PLEKHG1: variants seen among roughly 807,000 people sequenced by gnomAD.
The protein encoded by PLEKHG1 is pleckstrin homology and RhoGEF domain containing G1.
Under a neutral mutation model 100.8 loss-of-function variants are expected in PLEKHG1, and 44 were observed. The ratio of observed to expected loss-of-function variants is 0.44; its 90% CI spans 0.34 to 0.56. The LOEUF (loss-of-function observed/expected upper bound fraction) is 0.56. PLEKHG1 is among the 20% of genes least tolerant of loss of function. The probability of loss-of-function intolerance (pLI) is 0.01; values close to 1 mark genes in which losing one functional copy is unlikely to be tolerated. For missense variants in PLEKHG1, 1,545 were observed against 1,720.9 expected (o/e 0.90, Z 1.81); for synonymous variants, 640 against 662.5 (o/e 0.97, Z 0.52).
intron 7 of PLEKHG1, among the ~76,000 whole-genome samples, chr6:150,806,683 C>T (rs1787128041): frequency 6.7e-6 from 1 of 150,236 alleles, no homozygotes; most frequent in South Asian, 2.1e-4. Context: ...AAAAAATTAG[C>T]CGGGCGTGGT....
Position 150,818,181 on chromosome 6 carries a change from A to C in PLEKHG1, c.1279-2A>C. 1 of 1,609,276 alleles carries C rather than the reference A, an allele frequency of 6.2e-7. No homozygotes were observed. Among genetic ancestry groups the C allele is most frequent in the Non-Finnish European group, 8.5e-7 (1 of 1,176,430 alleles). ...ATTACAGCTCTACTTTCTCTCTTTC[A>C]GGCCAAGCAAGCAATCCTTGAAATG... On this transcript the variant is annotated splice_acceptor_variant, in intron 10 of 15. Coordinates refer to ENST00000358517, the Ensembl canonical transcript of PLEKHG1. LOFTEE classifies it high-confidence loss of function.
intron 10 of PLEKHG1, among the ~76,000 whole-genome samples, chr6:150,817,200 G>T (rs1776011055): frequency 6.6e-6 from 1 of 152,158 alleles, no homozygotes; most frequent in Non-Finnish European, 1.5e-5. Flanking sequence ...TGAAAGAGAG[G>T]CTCCCTGATC....
intron 1 of PLEKHG1, among the ~76,000 whole-genome samples, chr6:150,603,079 C>CAAAA (rs71554469): frequency 0.043 from 3,034 of 69,838 alleles, 531 homozygotes; most frequent in East Asian, 0.1. Context: ...GACTCCGTCT[C>CAAAA]AAAAAAAAAA....
chr6:150,696,848 C>T (rs1324942715), intron 3 of PLEKHG1, among the ~76,000 whole-genome samples: 1 of 152,158 alleles, frequency 6.6e-6, no homozygotes, highest in Non-Finnish European at 1.5e-5. Context: ...TGGCTTATGC[C>T]TGTAATCACA....
At chr6:150,625,450 G>A (rs1777470011) in intron 1 of PLEKHG1, among the ~76,000 whole-genome samples, 2 of 151,976 alleles carry the variant, frequency 1.3e-5, no homozygotes, top group East Asian at 1.9e-4. Context: ...CAGTCATAAT[G>A]GATTAGGGCT....
chr6:150,744,844 T>C (rs554775128), intron 2 of PLEKHG1, among the ~76,000 whole-genome samples: 1 of 152,302 alleles, frequency 6.6e-6, no homozygotes, highest in African/African-American at 2.4e-5. Flanking sequence ...CCGGGATATA[T>C]GTGGTCCCAA....
chr6:150,783,432 CA>C (rs1785438793), intron 3 of PLEKHG1, among the ~76,000 whole-genome samples: 1 of 150,884 alleles, frequency 6.6e-6, no homozygotes, highest in Non-Finnish European at 1.5e-5. Flanking sequence ...TGCAATGGTG[CA>C]ATCTCGGCTC....
intron 4 of PLEKHG1, among the ~76,000 whole-genome samples, chr6:150,795,496 C>T (rs1786271815): frequency 6.6e-6 from 1 of 151,994 alleles, no homozygotes; most frequent in Non-Finnish European, 1.5e-5. Context: ...AAAGTTCTGG[C>T]CACTTCCCCT....
At chr6:150,723,202 C>T (rs1414885593) in intron 1 of PLEKHG1, among the ~76,000 whole-genome samples, 2 of 149,598 alleles carry the variant, frequency 1.3e-5, no homozygotes, top group Admixed American at 6.8e-5. Flanking sequence ...AGCTGCCTCA[C>T]ATACAAGGAA....
chr6:150,699,239 C>T (rs1202374676), intron 3 of PLEKHG1, among the ~76,000 whole-genome samples: 1 of 152,150 alleles, frequency 6.6e-6, no homozygotes, highest in Non-Finnish European at 1.5e-5. Context: ...TAGATTTATA[C>T]TTATTTCAAA....
intron 3 of PLEKHG1, among the ~76,000 whole-genome samples, chr6:150,660,032 T>C (rs1207751697): frequency 6.6e-6 from 1 of 151,960 alleles, no homozygotes; most frequent in African/African-American, 2.4e-5. Flanking sequence ...CCCAGGAAGG[T>C]GTGTACATTG....
chr6:150,663,045 C>A (rs1039394670), intron 3 of PLEKHG1: 31 of 149,392 alleles, frequency 2.1e-4, no homozygotes, highest in African/African-American at 6.9e-4. Context: ...AAATGCTGAC[C>A]TGCTGACCTG....
intron 3 of PLEKHG1, among the ~76,000 whole-genome samples, chr6:150,779,096 C>G (rs1208849471): frequency 1.3e-5 from 2 of 152,156 alleles, no homozygotes; most frequent in Non-Finnish European, 2.9e-5. Context: ...AGGTAAGCTA[C>G]ATCCTTTAAT....
At chr6:150,652,100 G>A (rs965427313) in intron 3 of PLEKHG1, 1 of 152,050 alleles carries the variant, frequency 6.6e-6, no homozygotes, top group African/African-American at 2.4e-5. Flanking sequence ...AAGTTCTGTG[G>A]TATTTTTAAC....
At chr6:150,758,033 G>C (rs1056348125) in intron 2 of PLEKHG1, among the ~76,000 whole-genome samples, 2 of 152,124 alleles carry the variant, frequency 1.3e-5, no homozygotes, top group Non-Finnish European at 1.5e-5. Context: ...TGGCTGTATA[G>C]TGTTCCATGG....
At chr6:150,608,378 T>A (rs1776689034) in intron 1 of PLEKHG1, among the ~76,000 whole-genome samples, 1 of 152,208 alleles carries the variant, frequency 6.6e-6, no homozygotes, top group East Asian at 1.9e-4. Flanking sequence ...CTGTCATGTA[T>A]CAGAATGTGA....
At chr6:150,799,992 C>T (rs1341250434) in intron 5 of PLEKHG1, among the ~76,000 whole-genome samples, 2 of 152,162 alleles carry the variant, frequency 1.3e-5, no homozygotes, top group East Asian at 1.9e-4. Flanking sequence ...CTCATCACCT[C>T]GGGGGGATCT....
At chr6:150,650,694 G>GT (rs1778693694) in intron 2 of PLEKHG1, 34 bp from the exon 2 acceptor site, 1 of 152,136 alleles carries the variant, frequency 6.6e-6, no homozygotes, top group East Asian at 1.9e-4. Context: ...CAATATTTAA[G>GT]TAAAAAGCAA....
chr6:150,677,247 A>C (rs1315175257), intron 3 of PLEKHG1, among the ~76,000 whole-genome samples: 2 of 151,880 alleles, frequency 1.3e-5, no homozygotes, highest in Non-Finnish European at 2.9e-5. Context: ...CCTGGTGCCT[A>C]CTAACCTCTA....
Sources: gnomAD v4.1 joint callset for allele counts (sites outside exome capture counted in the v4.1 genomes callset) on GRCh38, gnomAD v4.1.1 for gene constraint, MANE v1.5 for transcripts, NCBI Gene and HGNC (gene_info 2026-07-23, HGNC 2026-07-21) for gene names.